DDX6: variants seen among roughly 807,000 people sequenced by gnomAD.
DDX6 encodes the protein DEAD-box helicase 6.
In DDX6, 7 loss-of-function variants were observed where a neutral mutation model predicts 60.6. The observed-to-expected ratio is 0.12, with a 90% confidence interval of 0.07 to 0.22. The LOEUF is 0.22. Among genes scored for constraint, DDX6 ranks in the 10% least tolerant of loss-of-function variants. The probability of loss-of-function intolerance (pLI) is 1.00; values close to 1 mark genes in which losing one functional copy is unlikely to be tolerated. For missense variants in DDX6, 270 were observed against 589.9 expected (o/e 0.46, Z 5.62); for synonymous variants, 207 against 201.0 (o/e 1.03, Z -0.25).
At position 118,750,851 on chromosome 11, in the gene DDX6, G is replaced by C. The variant is rs1402213800; in HGVS notation, c.*1254C>G. Reference sequence around the variant, plus strand: ...TAAACCTACTCCAAAGGTACTAGATGAGACAGTGTGGCAGCAAACAGTACA... The same window carrying C: ...TAAACCTACTCCAAAGGTACTAGATCAGACAGTGTGGCAGCAAACAGTACA... On this transcript the variant is annotated 3_prime_UTR_variant, in exon 14 of 14. Transcript: ENST00000534980. The C allele has an allele frequency of 1.3e-5, 2 of 152,414 alleles. No homozygotes were observed. The highest frequency in any genetic ancestry group is 2.9e-5 in the Non-Finnish European group (2 of 67,998). 9.4% of individuals were successfully genotyped at this position (152,414 alleles called of 1,614,324 possible). A position where few individuals can be genotyped will look rare whatever the true frequency, so the allele number is the denominator to read the frequency against.
At chr11:118,770,175 G>A (rs7925291) in intron 4 of DDX6, among the ~76,000 whole-genome samples, 151,896 of 151,896 alleles carry the variant, frequency 1, 75,948 homozygotes, top group Non-Finnish European at 1. Flanking sequence ...AACGGCGTGT[G>A]CCACCACACC....
intron 4 of DDX6, among the ~76,000 whole-genome samples, chr11:118,775,369 C>A (rs1861664575): frequency 6.6e-6 from 1 of 152,166 alleles, no homozygotes; most frequent in Non-Finnish European, 1.5e-5. Flanking sequence ...CCCCAAAAAA[C>A]CTATGAAAAT....
At chr11:118,768,507 A>T (rs564118192) in intron 4 of DDX6, among the ~76,000 whole-genome samples, 155 bp from the exon 5 acceptor site, 1 of 152,324 alleles carries the variant, frequency 6.6e-6, no homozygotes, top group East Asian at 1.9e-4. Context: ...GATCCAAGTA[A>T]ATCAGCACGA....
intron 7 of DDX6, among the ~76,000 whole-genome samples, chr11:118,762,294 A>G (rs1436931519): frequency 1.4e-5 from 2 of 147,538 alleles, no homozygotes; most frequent in African/African-American, 5.0e-5. Context: ...AAATAATAAT[A>G]ATAATAATAA....
chr11:118,788,677 C>T (rs1862162378), intron 1 of DDX6: 2 of 151,974 alleles, frequency 1.3e-5, no homozygotes, highest in Admixed American at 6.6e-5. Flanking sequence ...GGATTACAGA[C>T]GTAAGCCACC....
At chr11:118,785,371 A>T (rs1862039781) in intron 2 of DDX6, among the ~76,000 whole-genome samples, 1 of 152,006 alleles carries the variant, frequency 6.6e-6, no homozygotes, top group African/African-American at 2.4e-5. Context: ...AAAAAATTAA[A>T]AATTTTTTTT....
intron 5 of DDX6, among the ~76,000 whole-genome samples, chr11:118,766,215 T>G (rs2137465808): frequency 6.6e-6 from 1 of 150,826 alleles, no homozygotes; most frequent in South Asian, 2.1e-4. Flanking sequence ...TCGTTTGAGC[T>G]CAGGAGTTTA....
intron 13 of DDX6, among the ~76,000 whole-genome samples, chr11:118,754,178 C>T (rs1205998718): frequency 1.3e-5 from 2 of 152,216 alleles, no homozygotes; most frequent in Non-Finnish European, 2.9e-5. Context: ...GCCTATAATC[C>T]TAACACTTTG....
At chr11:118,763,838 T>TAAAAAA (rs58341763) in intron 6 of DDX6, among the ~76,000 whole-genome samples, 1 of 134,374 alleles carries the variant, frequency 7.4e-6, no homozygotes, top group African/African-American at 2.8e-5. Flanking sequence ...TGTCTCAAAT[T>TAAAAAA]AAAAAAAAAA....
chr11:118,765,981 G>T (rs532530620), intron 5 of DDX6, among the ~76,000 whole-genome samples: 282 of 152,078 alleles, frequency 1.9e-3, no homozygotes, highest in Non-Finnish European at 3.4e-3. Context: ...TGAGGCAGAA[G>T]AATCGCTTGA....
At chr11:118,768,928 G>A (rs1193962132) in intron 4 of DDX6, among the ~76,000 whole-genome samples, 2 of 136,074 alleles carry the variant, frequency 1.5e-5, no homozygotes, top group Non-Finnish European at 3.1e-5. Context: ...GAGGTCAAGG[G>A]TGAAGTGAGC....
chr11:118,782,514 A>G (rs1861933306), intron 2 of DDX6, among the ~76,000 whole-genome samples: 1 of 152,148 alleles, frequency 6.6e-6, no homozygotes, highest in African/African-American at 2.4e-5. Flanking sequence ...CAGAGTCCCC[A>G]AAACATCTCA....
At chr11:118,772,504 G>C (rs1302491158) in intron 4 of DDX6, among the ~76,000 whole-genome samples, 1 of 152,194 alleles carries the variant, frequency 6.6e-6, no homozygotes, top group South Asian at 2.1e-4. Flanking sequence ...GTGGGAAAAT[G>C]AGGTGTGACT....
intron 8 of DDX6, 183 bp from the exon 9 acceptor site, chr11:118,759,085 A>C: frequency 1.4e-6 from 1 of 724,592 alleles, no homozygotes; most frequent in Non-Finnish European, 2.1e-6. Context: ...CCTGAGACAA[A>C]ATCTTGCTCT....
In DDX6 at chr11:118,749,584, G is replaced by A. The variant is rs1860682944; in HGVS notation, c.*2521C>T. 6.6e-6 allele frequency: 1 copy of A among 152,600 alleles called. No homozygotes were observed. Among genetic ancestry groups the A allele is most frequent in the South Asian group, 2.1e-4 (1 of 4,834 alleles). The allele number at this position is 152,600 out of a possible 1,614,324, so 9.5% of individuals were successfully genotyped here. ...TCTGTGCTTTAAGAGGGACCCACAG[G>A]CATGTGGCACCACGCAGTCTAAAGT... is the stretch of plus-strand genomic sequence containing the variant. On this transcript the variant is annotated 3_prime_UTR_variant, in exon 14 of 14. Coordinates refer to ENST00000534980, the MANE Select transcript of DDX6 (RefSeq NM_004397.6).
In DDX6 at chr11:118,747,866, G is replaced by C. The variant is rs868912307; in HGVS notation, c.*4239C>G. On this transcript the variant is annotated 3_prime_UTR_variant, in exon 14 of 14. Transcript: ENST00000534980. Reference sequence around the variant, plus strand: ...TCAGCAGACTCCGGTCCATATATGCGTACATACAACATAACACATCCCAAC... The same window carrying C: ...TCAGCAGACTCCGGTCCATATATGCCTACATACAACATAACACATCCCAAC... 6.8e-6 allele frequency: 1 copy of C among 146,938 alleles called. No individual in the cohort carries two copies. Among genetic ancestry groups the C allele is most frequent in the Non-Finnish European group, 1.5e-5 (1 of 67,440 alleles). 9.1% of individuals were successfully genotyped at this position (146,938 alleles called of 1,614,324 possible). A position where few individuals can be genotyped will look rare whatever the true frequency, so the allele number is the denominator to read the frequency against.
intron 4 of DDX6, among the ~76,000 whole-genome samples, chr11:118,776,954 T>C (rs1462384785): frequency 6.6e-6 from 1 of 152,042 alleles, no homozygotes; most frequent in Non-Finnish European, 1.5e-5. Flanking sequence ...CCTCTGATGA[T>C]GCATATCCTT....
chr11:118,762,983 C>T (rs574061805), intron 7 of DDX6, among the ~76,000 whole-genome samples: 46 of 152,248 alleles, frequency 3.0e-4, no homozygotes, highest in African/African-American at 1.0e-3. Flanking sequence ...AAATTAAAAC[C>T]TAATGTCTGC....
intron 1 of DDX6, chr11:118,789,942 AAAAC>A (rs1239060227): frequency 1.3e-5 from 2 of 152,310 alleles, no homozygotes; most frequent in East Asian, 1.9e-4. Context: ...AAAAAAACAA[AAAAC>A]AAACAACAAG....
Sources: allele counts gnomAD v4.1 joint callset (sites outside exome capture counted in the v4.1 genomes callset), GRCh38; gene constraint gnomAD v4.1.1; transcripts MANE v1.5; gene names NCBI Gene and HGNC (gene_info 2026-07-23, HGNC 2026-07-21).